Variants in AR observed in about 807,000 individuals in gnomAD.
The protein encoded by AR is dihydrotestosterone receptor.
Under a neutral mutation model 53.9 loss-of-function variants are expected in AR, and 8 were observed. The observed-to-expected ratio is 0.15, with a 90% CI of 0.09 to 0.27. The LOEUF (loss-of-function observed/expected upper bound fraction) is 0.27. AR is among the 10% of genes least tolerant of loss of function. The pLI, the probability that AR is intolerant of heterozygous loss-of-function variation, is 1.00. For synonymous variants in AR, 359 were observed against 316.4 expected (o/e 1.13, Z -1.43); for missense variants, 639 against 742.5 (o/e 0.86, Z 1.62).
At chrX:67,632,376 T>C (rs918424633) in intron 1 of AR, among the ~76,000 whole-genome samples, 1 of 112,429 alleles carries the variant, frequency 8.9e-6, no homozygotes, top group Non-Finnish European at 1.9e-5. Flanking sequence ...AAAAACGCAG[T>C]ATTTGGGTGG....
At chrX:67,681,760 G>T (rs2075935347) in intron 2 of AR, among the ~76,000 whole-genome samples, 1 of 112,279 alleles carries the variant, frequency 8.9e-6, no homozygotes, top group African/African-American at 3.2e-5. Context: ...TTGCAGGGAT[G>T]CTGCAGAGAG....
intron 1 of AR, among the ~76,000 whole-genome samples, chrX:67,616,331 T>A (rs1490413016): frequency 9.0e-6 from 1 of 110,619 alleles, no homozygotes; most frequent in Non-Finnish European, 1.9e-5. Flanking sequence ...TTTCTCCTAA[T>A]ACTATCCCTC....
At chrX:67,630,040 G>A (rs1924980498) in intron 1 of AR, among the ~76,000 whole-genome samples, 1 of 110,969 alleles carries the variant, frequency 9.0e-6, no homozygotes, top group Non-Finnish European at 1.9e-5. Context: ...CATTTGCTGA[G>A]GAGAGCTTTA....
intron 3 of AR, among the ~76,000 whole-genome samples, chrX:67,706,806 C>A (rs1431031955): frequency 8.9e-6 from 1 of 112,162 alleles, no homozygotes; most frequent in East Asian, 2.8e-4. Context: ...TTTCCCTCTA[C>A]ACACTACTTT....
At chrX:67,662,164 T>A (rs1247371810) in intron 2 of AR, among the ~76,000 whole-genome samples, 1 of 112,105 alleles carries the variant, frequency 8.9e-6, no homozygotes, top group Admixed American at 9.5e-5. Context: ...ATTGATTTTT[T>A]GAAGGGTTTT....
At chrX:67,587,794 T>A (rs1922623809) in intron 1 of AR, among the ~76,000 whole-genome samples, 2 of 111,304 alleles carry the variant, frequency 1.8e-5, no homozygotes, top group Admixed American at 9.5e-5. Context: ...AATTTTAAAA[T>A]GCCATCTTGC....
intron 1 of AR, among the ~76,000 whole-genome samples, chrX:67,628,045 T>C (rs187576049): frequency 8.9e-6 from 1 of 111,870 alleles, no homozygotes; most frequent in Admixed American, 9.5e-5. Flanking sequence ...TGTAGCCTTG[T>C]AGTATAGTTA....
intron 1 of AR, among the ~76,000 whole-genome samples, chrX:67,631,604 A>G (rs751384944): frequency 2.7e-5 from 3 of 111,954 alleles, no homozygotes; most frequent in Non-Finnish European, 3.8e-5. Flanking sequence ...CATAGCTTGG[A>G]GTAATTTGAT....
intron 3 of AR, among the ~76,000 whole-genome samples, chrX:67,687,489 C>T (rs934978366): frequency 8.9e-6 from 1 of 112,084 alleles, no homozygotes; most frequent in African/African-American, 3.2e-5. Context: ...TCAAATGAGA[C>T]TCAGATATCT....
At chrX:67,704,424 G>T (rs1054161426) in intron 3 of AR, among the ~76,000 whole-genome samples, 3 of 111,601 alleles carry the variant, frequency 2.7e-5, no homozygotes, top group South Asian at 3.7e-4. Context: ...TCATGTGTCT[G>T]TTGGCTGCAT....
At position 67,546,392 on chromosome X, in the gene AR, G is replaced by A. The variant is rs1168591047; in HGVS notation, c.1246G>A (p.Gly416Ser). 2 of 1,183,107 alleles carry A rather than the reference G, an allele frequency of 1.7e-6. No homozygotes were observed. The highest frequency in any genetic ancestry group is 2.3e-6 in the Non-Finnish European group (2 of 882,300). ...CTATGGGGACCTGGCGAGCCTGCAT[G>A]GCGCGGGTGCAGCGGGACCCGGTTC... ...CRYGDLASLHGAGAAGPGSGS... is the reference protein window; with the variant it reads ...CRYGDLASLHSAGAAGPGSGS... Residue 416 changes from glycine to serine, a missense_variant, in exon 1 of 8, where the codon GGC (glycine) becomes AGC (serine). Around this residue, in one of 5 missense-constraint regions of AR, gnomAD observed 423 missense variants for 377.0 expected, o/e 1.12. Transcript: ENST00000374690.
intron 7 of AR, among the ~76,000 whole-genome samples, chrX:67,723,229 G>A (rs896642543): frequency 9.2e-6 from 1 of 108,673 alleles, no homozygotes; most frequent in African/African-American, 3.4e-5. Context: ...GGGACTTGCA[G>A]CAGATGAATT....
chrX:67,588,985 T>A (rs187646630), intron 1 of AR, among the ~76,000 whole-genome samples: 3 of 113,006 alleles, frequency 2.7e-5, no homozygotes, highest in Non-Finnish European at 5.6e-5. Flanking sequence ...GTCTTTCTTA[T>A]TTCTACTTAG....
chrX:67,576,358 G>C (rs1922046305), intron 1 of AR, among the ~76,000 whole-genome samples: 1 of 110,291 alleles, frequency 9.1e-6, no homozygotes, highest in African/African-American at 3.3e-5. Context: ...GCTGTTGCTT[G>C]AGCCCAACTA....
At chrX:67,552,970 C>T (rs928092986) in intron 1 of AR, among the ~76,000 whole-genome samples, 3 of 111,711 alleles carry the variant, frequency 2.7e-5, no homozygotes, top group African/African-American at 9.7e-5. Flanking sequence ...GATATTTTTT[C>T]ACATTCTGTG....
chrX:67,704,841 T>A (rs1451698900), intron 3 of AR, among the ~76,000 whole-genome samples: 3 of 112,239 alleles, frequency 2.7e-5, no homozygotes, highest in African/African-American at 9.7e-5. Context: ...AAGGAAGGGA[T>A]CCAGTTTCAG....
At chrX:67,594,755 C>A (rs7061565) in intron 1 of AR, among the ~76,000 whole-genome samples, 65 of 111,546 alleles carry the variant, frequency 5.8e-4, no homozygotes, top group African/African-American at 2.1e-3. Flanking sequence ...TAAGACCAGC[C>A]TGGGCAACAT....
At chrX:67,661,913 G>A (rs1024007638) in intron 2 of AR, among the ~76,000 whole-genome samples, 1 of 111,672 alleles carries the variant, frequency 9.0e-6, no homozygotes, top group African/African-American at 3.3e-5. Context: ...TCCTGGTTTA[G>A]TCTTGGGATG....
intron 1 of AR, among the ~76,000 whole-genome samples, chrX:67,572,851 G>C (rs1921882724): frequency 9.0e-6 from 1 of 111,721 alleles, no homozygotes; most frequent in Non-Finnish European, 1.9e-5. Flanking sequence ...AAATTGTTCA[G>C]TTGTGCTTAA....
Sources: allele counts gnomAD v4.1 joint callset (sites outside exome capture counted in the v4.1 genomes callset), GRCh38; gene constraint gnomAD v4.1.1; regional missense constraint gnomAD v4.1.1; transcripts MANE v1.5; gene names NCBI Gene and HGNC (gene_info 2026-07-23, HGNC 2026-07-21).